Variants in CAPN13 observed in about 807,000 individuals in gnomAD.
The protein encoded by CAPN13 is calpain 13.
Under a neutral mutation model 98.4 loss-of-function variants are expected in CAPN13, and 90 were observed. The observed-to-expected ratio is 0.92, with a 90% CI of 0.77 to 1.09. CAPN13 has a LOEUF of 1.09. Ranked by LOEUF, CAPN13 falls within the 50% of genes least tolerant of loss-of-function variation. The pLI is 0.00. For missense variants in CAPN13, 887 were observed against 841.3 expected, an observed-to-expected ratio of 1.05 and a Z score of -0.67; for synonymous variants, 330 against 305.5, an observed-to-expected ratio of 1.08 and a Z score of -0.84.
chr2:30,800,032 C>T (rs531013606), intron 1 of CAPN13, among the ~76,000 whole-genome samples: 139 of 151,330 alleles, frequency 9.2e-4, no homozygotes, highest in Non-Finnish European at 1.6e-3. Flanking sequence ...CGAGATTGCG[C>T]CATTGCACTC....
chr2:30,748,115 G>T (rs1027024234), intron 11 of CAPN13, among the ~76,000 whole-genome samples: 2 of 152,212 alleles, frequency 1.3e-5, no homozygotes, highest in Non-Finnish European at 2.9e-5. Context: ...CCTTCTGTGG[G>T]CTTCTGTCTT....
chr2:30,800,372 C>T (rs79912281), intron 1 of CAPN13, among the ~76,000 whole-genome samples: 1 of 152,172 alleles, frequency 6.6e-6, no homozygotes, highest in Admixed American at 6.5e-5. Context: ...CAACCCCAGC[C>T]TCTTCTCTCC....
chr2:30,754,165 G>T (rs894022731), intron 9 of CAPN13, 125 bp downstream of exon 9: 2 of 604,414 alleles, frequency 3.3e-6, no homozygotes, highest in African/African-American at 3.9e-5. Flanking sequence ...GAGAAAATAG[G>T]CTCCCTCTAA....
intron 19 of CAPN13, among the ~76,000 whole-genome samples, chr2:30,733,960 T>C (rs149496424): frequency 7.9e-5 from 12 of 152,306 alleles, no homozygotes; most frequent in African/African-American, 2.2e-4. Context: ...GGAGAACTTA[T>C]GCACCCTAAG....
intron 14 of CAPN13, 101 bp downstream of exon 14, chr2:30,742,225 A>G: frequency 1.5e-6 from 2 of 1,379,068 alleles, no homozygotes; most frequent in Non-Finnish European, 2.0e-6. Context: ...CTCTCTTTTC[A>G]TTGGTTGGGG....
intron 18 of CAPN13, 54 bp downstream of exon 18, chr2:30,736,449 A>ATCCTTGC (rs1160638545): frequency 6.4e-7 from 1 of 1,562,416 alleles, no homozygotes; most frequent in Non-Finnish European, 8.8e-7. Context: ...CACCCAGTAA[A>ATCCTTGC]TCCTTGCTAA....
Position 30,787,390 on chromosome 2 carries a change from A to G in CAPN13, c.-32-33T>C, listed in dbSNP as rs1006574327. 5.4e-6 allele frequency: 8 copies of G among 1,481,512 alleles called. No individual in the cohort carries two copies. The African/African-American group carries it at 9.8e-5, about 18-fold the overall frequency. The allele number at this position is 1,481,512 out of a possible 1,614,324, so 91.8% of individuals were successfully genotyped here. A position where few individuals can be genotyped will look rare whatever the true frequency, so the allele number is the denominator to read the frequency against. ...TGAGAAAAAGGGATACCTTTGGGGT[A>G]AGCCATCAAGTCCTTTGCATCATCA... is the stretch of plus-strand genomic sequence containing the variant. On this transcript the variant is annotated intron_variant, in intron 1 of 22. Transcript: ENST00000295055.
rs372684591 is a variant in CAPN13 at position 30,754,407 on chromosome 2, C to A, written c.867-43G>T. The A allele has an allele frequency of 1.9e-5, 29 of 1,537,666 alleles. No individual in the cohort carries two copies. In the African/African-American group the frequency reaches 3.5e-4, roughly 18 times the overall value. On this transcript the variant is annotated intron_variant, in intron 8 of 22. Coordinates refer to ENST00000295055, the MANE Select transcript of CAPN13 (RefSeq NM_144575.3). Reference sequence around the variant, plus strand: ...AACCACAGGGTGAGATTTTCCAGTGCATTTTTTCTCAACCATGTGTGGGTC... The same window carrying A: ...AACCACAGGGTGAGATTTTCCAGTGAATTTTTTCTCAACCATGTGTGGGTC...
intron 7 of CAPN13, among the ~76,000 whole-genome samples, chr2:30,760,733 G>A (rs1012677212): frequency 8.4e-4 from 128 of 152,206 alleles, no homozygotes; most frequent in Non-Finnish European, 1.3e-3. Context: ...GTGAGCCCTT[G>A]TGTCCCTCCT....
chr2:30,746,967 C>T (rs953603568), intron 11 of CAPN13, among the ~76,000 whole-genome samples: 7 of 152,178 alleles, frequency 4.6e-5, no homozygotes, highest in South Asian at 2.1e-4. Context: ...CAGAACCTGG[C>T]GCAAATGTAA....
chr2:30,745,788 G>A (rs1380602299), intron 11 of CAPN13, 54 bp from the exon 12 acceptor site: 3 of 1,546,572 alleles, frequency 1.9e-6, no homozygotes, highest in Non-Finnish European at 2.6e-6. Flanking sequence ...AAACAAAAAG[G>A]CAAGCAGAAC....
intron 3 of CAPN13, among the ~76,000 whole-genome samples, chr2:30,776,424 G>A (rs999656262): frequency 6.6e-6 from 1 of 152,080 alleles, no homozygotes; most frequent in Admixed American, 6.5e-5. Flanking sequence ...TGTTGGCCAG[G>A]CTGGTCTCAA....
At chr2:30,805,243 TAG>T (rs752013309) in intron 1 of CAPN13, among the ~76,000 whole-genome samples, 24 of 152,210 alleles carry the variant, frequency 1.6e-4, no homozygotes, top group Non-Finnish European at 2.5e-4. Flanking sequence ...CTTGCTCGGA[TAG>T]ACTCTTCCAA....
chr2:30,770,424 TCCACCCACTGG>T lies in CAPN13; in HGVS notation c.402_412del (p.Gln135SerfsTer4). The T allele has an allele frequency of 6.2e-7, 1 of 1,613,986 alleles. No individual in the cohort carries two copies. The highest frequency in any genetic ancestry group is 8.5e-7 in the Non-Finnish European group (1 of 1,179,874). ...AGGTAGGCGGTCATCAATCACCACT[TCCACCCACTGG>T]CCACATTGCCAGAACTGGAAGAGAG... is the stretch of plus-strand genomic sequence containing the variant. On this transcript the variant is annotated frameshift_variant, in exon 5 of 23. Coordinates refer to ENST00000295055, the MANE Select transcript of CAPN13 (RefSeq NM_144575.3). LOFTEE classifies it high-confidence loss of function.
rs749401396 is a variant in CAPN13 at position 30,787,160 on chromosome 2, G to GT, written c.165dup (p.Arg56ThrfsTer24). 9.5e-6 allele frequency: 15 copies of GT among 1,579,658 alleles called. No homozygotes were observed. The highest frequency in any genetic ancestry group is 1.3e-5 in the African/African-American group (1 of 74,174). Reference sequence around the variant, plus strand: ...CGCTTCCATATCACATTGGAGAGGCGTTTTTCCTGGAGCAGCTTCTGGCCT... The same window carrying GT: ...CGCTTCCATATCACATTGGAGAGGCGTTTTTTCCTGGAGCAGCTTCTGGCCT... On this transcript the variant is annotated frameshift_variant, in exon 2 of 23. Coordinates refer to ENST00000295055, the MANE Select transcript of CAPN13 (RefSeq NM_144575.3). LOFTEE classifies it high-confidence loss of function.
intron 1 of CAPN13, among the ~76,000 whole-genome samples, chr2:30,792,882 G>A (rs1434479361): frequency 1.3e-5 from 2 of 151,740 alleles, no homozygotes; most frequent in South Asian, 2.1e-4. Flanking sequence ...TCATAAGTTG[G>A]GTTTATTTCA....
chr2:30,784,188 G>GAA (rs57994890), intron 2 of CAPN13, among the ~76,000 whole-genome samples: 5 of 145,586 alleles, frequency 3.4e-5, no homozygotes, highest in South Asian at 2.2e-4. Context: ...TCAAAAAAAA[G>GAA]AAAAAAAAAA....
At position 30,777,550 on chromosome 2, in the gene CAPN13, A is replaced by G; in HGVS notation, c.271+17T>C. Reference sequence around the variant, plus strand: ...ACTTCCTATCCAGGGCACGGAGGGAAGATGTTGCACTCTTACCTGCGCCTC... The same window carrying G: ...ACTTCCTATCCAGGGCACGGAGGGAGGATGTTGCACTCTTACCTGCGCCTC... On this transcript the variant is annotated intron_variant, in intron 3 of 22. Transcript: ENST00000295055. 1 of 1,562,674 alleles carries G rather than the reference A, an allele frequency of 6.4e-7. No individual in the cohort carries two copies. Among genetic ancestry groups the G allele is most frequent in the Non-Finnish European group, 8.7e-7 (1 of 1,151,378 alleles).
At chr2:30,755,827 G>C (rs1426120073) in intron 8 of CAPN13, among the ~76,000 whole-genome samples, 1 of 152,188 alleles carries the variant, frequency 6.6e-6, no homozygotes, top group Non-Finnish European at 1.5e-5. Context: ...TGCAATGTGT[G>C]AGGGAGAATA....
Sources: allele counts gnomAD v4.1 joint callset (sites outside exome capture counted in the v4.1 genomes callset), GRCh38; gene constraint gnomAD v4.1.1; transcripts MANE v1.5; gene names NCBI Gene and HGNC (gene_info 2026-07-23, HGNC 2026-07-21).